Variants in RPH3AL observed in about 807,000 individuals in gnomAD.
RPH3AL encodes rab effector Noc2.
RPH3AL carries 38 observed loss-of-function variants against 43.1 expected under a neutral mutation model. The ratio of observed to expected loss-of-function variants is 0.88; its 90% confidence interval spans 0.68 to 1.15. The LOEUF (loss-of-function observed/expected upper bound fraction) is 1.15. RPH3AL is among the 50% of genes most tolerant of loss of function. The pLI is 0.00. For missense variants in RPH3AL, 462 were observed against 423.2 expected (o/e 1.09, Z -0.81); for synonymous variants, 189 against 176.3 (o/e 1.07, Z -0.57).
Position 213,684 on chromosome 17 carries a change from G to A in RPH3AL, c.*168C>T. The A allele has an allele frequency of 1.5e-6, 1 of 648,726 alleles. No homozygotes were observed. Among genetic ancestry groups the A allele is most frequent in the East Asian group, 2.7e-5 (1 of 36,598 alleles). 40.2% of individuals were successfully genotyped at this position (648,726 alleles called of 1,614,324 possible). ...ATGCAGACAGCTCCCCAGGAGAGAA[G>A]GGGTGCAGAAAGGCACTGAGCTGGG... On this transcript the variant is annotated 3_prime_UTR_variant, in exon 10 of 10. Transcript: ENST00000331302.
At chr17:226,558 T>G (rs537120245) in intron 7 of RPH3AL, among the ~76,000 whole-genome samples, 5 of 152,308 alleles carry the variant, frequency 3.3e-5, no homozygotes, top group African/African-American at 9.6e-5. Flanking sequence ...GCACCAGCCT[T>G]GGCATTTACT....
intron 5 of RPH3AL, among the ~76,000 whole-genome samples, chr17:303,250 G>A (rs2043375548): frequency 6.6e-6 from 1 of 152,130 alleles, no homozygotes; most frequent in Non-Finnish European, 1.5e-5. Context: ...AATTAGCCAG[G>A]AGTGGTGGCG....
chr17:238,725 C>T (rs2041460402), intron 7 of RPH3AL, among the ~76,000 whole-genome samples: 1 of 152,172 alleles, frequency 6.6e-6, no homozygotes, highest in African/African-American at 2.4e-5. Flanking sequence ...GTTGATGTGG[C>T]TACTTTCACC....
At position 250,872 on chromosome 17, in the gene RPH3AL, G is replaced by A. The variant is rs138582617; in HGVS notation, c.439-3587C>T. On this transcript the variant is annotated intron_variant, in intron 6 of 9. Coordinates refer to ENST00000331302, the MANE Select transcript of RPH3AL (RefSeq NM_006987.4). The stretch of plus-strand genomic sequence containing the variant: ...CAGGACCTCTCAGAGCCTAAGCTCC[G>A]TCGCTGTGGGACCTCTCAGAGCCTA... 6.3e-3 allele frequency among the ~76,000 whole-genome samples: 941 copies of A among 149,898 alleles called. 5 individuals are homozygous for A. The highest frequency in any genetic ancestry group is 8.2e-3 in the Non-Finnish European group (553 of 67,466).
At chr17:253,045 C>T (rs1196404370) in intron 6 of RPH3AL, among the ~76,000 whole-genome samples, 1 of 152,176 alleles carries the variant, frequency 6.6e-6, no homozygotes, top group African/African-American at 2.4e-5. Flanking sequence ...GGGTGGGGAC[C>T]TCGGCTTACA....
chr17:259,537 CAT>C (rs2042151864), intron 6 of RPH3AL, among the ~76,000 whole-genome samples: 1 of 152,172 alleles, frequency 6.6e-6, no homozygotes, highest in African/African-American at 2.4e-5. Flanking sequence ...GAAAAGCCCT[CAT>C]GGGAATTAAC....
chr17:315,547 G>A (rs2043989916), intron 5 of RPH3AL, among the ~76,000 whole-genome samples: 2 of 149,436 alleles, frequency 1.3e-5, no homozygotes, highest in African/African-American at 5.1e-5. Context: ...CACCTCCATT[G>A]ACCTGTAGTC....
chr17:344,977 G>A (rs1378525472), intron 1 of RPH3AL, among the ~76,000 whole-genome samples: 6 of 135,780 alleles, frequency 4.4e-5, no homozygotes, highest in South Asian at 2.4e-4. Flanking sequence ...CAGGAGGCCC[G>A]TTGGTGAGGC....
At chr17:272,762 T>TCACACACACA (rs71143491) in intron 6 of RPH3AL, among the ~76,000 whole-genome samples, 84 of 145,856 alleles carry the variant, frequency 5.8e-4, no homozygotes, top group South Asian at 1.1e-3. Flanking sequence ...ATTATTTAAG[T>TCACACACACA]CACACACACA....
At chr17:269,089 A>G (rs375597972) in intron 6 of RPH3AL, among the ~76,000 whole-genome samples, 76 of 152,264 alleles carry the variant, frequency 5.0e-4, no homozygotes, top group Middle Eastern at 3.4e-3. Context: ...CGTGTTAGCC[A>G]GGATGGTCTC....
At chr17:236,172 A>C (rs1173534906) in intron 7 of RPH3AL, among the ~76,000 whole-genome samples, 2 of 152,230 alleles carry the variant, frequency 1.3e-5, no homozygotes, top group African/African-American at 2.4e-5. Context: ...GCCAGCCCAC[A>C]GTGAGCTTCT....
intron 6 of RPH3AL, among the ~76,000 whole-genome samples, chr17:281,065 A>G (rs917671163): frequency 2.6e-5 from 4 of 152,066 alleles, no homozygotes; most frequent in Non-Finnish European, 5.9e-5. Context: ...TTTGGCTCCA[A>G]TCCGACCTGG....
chr17:315,372 TCCC>T, intron 5 of RPH3AL, among the ~76,000 whole-genome samples: 2 of 150,608 alleles, frequency 1.3e-5, no homozygotes, highest in African/African-American at 5.0e-5. Context: ...TGACCTGTAG[TCCC>T]TGTGCCCCAC....
At chr17:350,313 C>G (rs1418565301) in intron 1 of RPH3AL, among the ~76,000 whole-genome samples, 1 of 151,976 alleles carries the variant, frequency 6.6e-6, no homozygotes, top group Non-Finnish European at 1.5e-5. Context: ...CTCATCTCTA[C>G]TAAAAATACA....
chr17:285,514 C>T (rs144323807), intron 5 of RPH3AL, among the ~76,000 whole-genome samples: 40 of 152,284 alleles, frequency 2.6e-4, no homozygotes, highest in Admixed American at 7.8e-4. Flanking sequence ...TGCAGCCCGG[C>T]GTGGTTTTCC....
chr17:276,041 G>C (rs905921808), intron 6 of RPH3AL, among the ~76,000 whole-genome samples: 1 of 152,164 alleles, frequency 6.6e-6, no homozygotes, highest in African/African-American at 2.4e-5. Context: ...AGGATGTCAC[G>C]GTTCTGTGTG....
chr17:230,232 A>AG (rs1489859357), intron 7 of RPH3AL, among the ~76,000 whole-genome samples: 15 of 152,346 alleles, frequency 9.8e-5, no homozygotes, highest in African/African-American at 3.6e-4. Context: ...CTTCAGGCCC[A>AG]GAGACAGACA....
intron 2 of RPH3AL, 47 bp from the exon 3 acceptor site, chr17:327,626 G>T: frequency 1.6e-6 from 2 of 1,287,256 alleles, no homozygotes; most frequent in South Asian, 1.2e-5. Context: ...ATTGGCTGGG[G>T]TACAGATGGC....
intron 5 of RPH3AL, among the ~76,000 whole-genome samples, chr17:291,958 A>T (rs1270032691): frequency 3.3e-5 from 5 of 152,260 alleles, no homozygotes; most frequent in Admixed American, 3.3e-4. Context: ...TTTTAAATGG[A>T]TAAGCAGAAT....
Sources: allele counts gnomAD v4.1 joint callset (sites outside exome capture counted in the v4.1 genomes callset), GRCh38; gene constraint gnomAD v4.1.1; transcripts MANE v1.5; gene names NCBI Gene and HGNC (gene_info 2026-07-23, HGNC 2026-07-21).